Variants in DPP6 observed in about 807,000 individuals in gnomAD.
DPP6 encodes A-type potassium channel modulatory protein DPP6.
DPP6 carries 69 observed loss-of-function variants against 122.6 expected under a neutral mutation model. That is an observed-to-expected ratio of 0.56 (90% CI 0.46 to 0.69). The LOEUF is 0.69. Among genes scored for constraint, DPP6 ranks in the 30% least tolerant of loss-of-function variants. The pLI is 0.00. For missense variants in DPP6, 928 were observed against 1,116.9 expected (o/e 0.83, Z 2.41); for synonymous variants, 418 against 433.1 (o/e 0.97, Z 0.43).
the DPP6 span, among the ~76,000 whole-genome samples, chr7:153,819,957 C>A: frequency 6.6e-6 from 1 of 152,106 alleles, no homozygotes; most frequent in African/African-American, 2.4e-5. Context: ...TTCATCCAAT[C>A]TTAAAGCTAG....
chr7:153,840,402 TCACA>T, the DPP6 span, among the ~76,000 whole-genome samples: 4 of 152,078 alleles, frequency 2.6e-5, no homozygotes, highest in African/African-American at 4.8e-5. Flanking sequence ...TAAACGCAAC[TCACA>T]CATATTACCC....
intron 1 of DPP6, among the ~76,000 whole-genome samples, chr7:154,348,264 A>C (rs964485712): frequency 6.6e-6 from 1 of 152,238 alleles, no homozygotes; most frequent in Non-Finnish European, 1.5e-5. Context: ...CTATTCTTGA[A>C]ATAGAGAGGT....
rs1267780351 is a variant in DPP6 at position 154,602,023 on chromosome 7, A to G, written c.627+35107A>G. 2.5e-5 allele frequency among the ~76,000 whole-genome samples: 3 copies of G among 121,172 alleles called. 1 individual carries two copies. The highest frequency in any genetic ancestry group is 5.6e-5 in the Non-Finnish European group (3 of 53,640). The allele number at this position is 121,172 out of a possible 152,430, so 79.5% of individuals were successfully genotyped here. A position where few individuals can be genotyped will look rare whatever the true frequency, so the allele number is the denominator to read the frequency against. On this transcript the variant is annotated intron_variant, in intron 5 of 25. Transcript: ENST00000377770. ...TGTGGTTCTTGCCAGTAAAAGTAAT[A>G]CTTGTTTCTTTATGCTTCTCTCTTC...
At chr7:153,936,042 G>C (rs1416109117) in intron 1 of DPP6, among the ~76,000 whole-genome samples, 6 of 152,166 alleles carry the variant, frequency 3.9e-5, no homozygotes, top group African/African-American at 1.4e-4. Flanking sequence ...GAAGCCCTTA[G>C]TCCAGCACGG....
intron 1 of DPP6, among the ~76,000 whole-genome samples, chr7:154,380,934 A>T (rs1297524062): frequency 6.6e-6 from 1 of 152,186 alleles, no homozygotes; most frequent in African/African-American, 2.4e-5. Context: ...TGGTGTTATC[A>T]TCAACTGTCA....
chr7:154,643,467 C>CCTTTTTTTTTTTT (rs1563052019), intron 6 of DPP6, among the ~76,000 whole-genome samples: 1 of 117,554 alleles, frequency 8.5e-6, no homozygotes. Context: ...TGAGTAATTT[C>CCTTTTTTTTTTTT]TTTTTTTTTT....
At chr7:154,202,459 CAT>C (rs1799223455) in intron 1 of DPP6, among the ~76,000 whole-genome samples, 1 of 152,124 alleles carries the variant, frequency 6.6e-6, no homozygotes. Flanking sequence ...TAGTAATAAT[CAT>C]ATATTTTGGC....
chr7:154,581,142 G>A (rs773360655), intron 5 of DPP6, among the ~76,000 whole-genome samples: 5 of 152,118 alleles, frequency 3.3e-5, no homozygotes, highest in South Asian at 2.1e-4. Context: ...ACCTGTGTCC[G>A]CTGAATTGCA....
the DPP6 span, among the ~76,000 whole-genome samples, chr7:153,791,255 C>G: frequency 6.6e-6 from 1 of 152,100 alleles, no homozygotes; most frequent in Non-Finnish European, 1.5e-5. Context: ...TGAGAGCGTT[C>G]CATGCAATGT....
intron 19 of DPP6, among the ~76,000 whole-genome samples, chr7:154,874,127 AC>A (rs1287707632): frequency 8.2e-5 from 12 of 147,194 alleles, no homozygotes; most frequent in Non-Finnish European, 1.8e-4. Flanking sequence ...AGACCCACAC[AC>A]CCCACACATG....
intron 1 of DPP6, among the ~76,000 whole-genome samples, chr7:154,325,038 T>A (rs1360183373): frequency 6.6e-6 from 1 of 151,992 alleles, no homozygotes; most frequent in African/African-American, 2.4e-5. Flanking sequence ...CTAATTTTTT[T>A]ATATTTTTAG....
chr7:154,322,047 C>G (rs1434707591), intron 1 of DPP6, among the ~76,000 whole-genome samples: 1 of 148,986 alleles, frequency 6.7e-6, no homozygotes, highest in Non-Finnish European at 1.5e-5. Flanking sequence ...CACCCCCAAC[C>G]CCCAACCCCC....
chr7:153,954,452 A>G (rs1448116243), intron 1 of DPP6, among the ~76,000 whole-genome samples: 1 of 152,180 alleles, frequency 6.6e-6, no homozygotes, highest in East Asian at 1.9e-4. Context: ...GATATTCATA[A>G]TTTTTGGAGA....
chr7:154,588,320 T>C (rs1174129217), intron 5 of DPP6: 5 of 616,536 alleles, frequency 8.1e-6, no homozygotes, highest in Middle Eastern at 9.0e-4. Context: ...GGAAGGAGAC[T>C]GGCTCTCCTG....
At chr7:154,330,565 G>A (rs1253158650) in intron 1 of DPP6, among the ~76,000 whole-genome samples, 3 of 152,158 alleles carry the variant, frequency 2.0e-5, no homozygotes, top group South Asian at 2.1e-4. Context: ...CTTTACGAAC[G>A]GACTGAGACC....
At chr7:154,622,355 GA>G (rs1834746016) in intron 5 of DPP6, among the ~76,000 whole-genome samples, 1 of 152,196 alleles carries the variant, frequency 6.6e-6, no homozygotes, top group Non-Finnish European at 1.5e-5. Context: ...AATTATGCTG[GA>G]AATAGGTGGA....
chr7:154,289,134 G>A (rs536047070), intron 1 of DPP6, among the ~76,000 whole-genome samples: 1 of 152,096 alleles, frequency 6.6e-6, no homozygotes, highest in Non-Finnish European at 1.5e-5. Flanking sequence ...ATGAGAGAAG[G>A]GGGATGCTGG....
intron 6 of DPP6, among the ~76,000 whole-genome samples, chr7:154,653,264 G>A (rs576204882): frequency 6.6e-6 from 1 of 152,358 alleles, no homozygotes; most frequent in South Asian, 2.1e-4. Context: ...CAAGGTAGGA[G>A]GATGGCTTGA....
At chr7:154,056,895 T>A (rs1428197848) in intron 1 of DPP6, among the ~76,000 whole-genome samples, 2 of 152,246 alleles carry the variant, frequency 1.3e-5, no homozygotes, top group Admixed American at 1.3e-4. Context: ...TAATTTAAAA[T>A]TTTTTAAGTT....
Sources: gnomAD v4.1 joint callset for allele counts (sites outside exome capture counted in the v4.1 genomes callset) on GRCh38, gnomAD v4.1.1 for gene constraint, MANE v1.5 for transcripts, NCBI Gene and HGNC (gene_info 2026-07-23, HGNC 2026-07-21) for gene names.